FAM107B: variants seen among roughly 807,000 people sequenced by gnomAD.
FAM107B encodes the protein family with sequence similarity 107 member B, also known as protein FAM107B.
A neutral mutation model predicts 31.5 loss-of-function variants in FAM107B; 21 were observed. The observed-to-expected ratio is 0.67, with a 90% CI of 0.47 to 0.96. FAM107B has a LOEUF of 0.96. FAM107B is among the 40% of genes least tolerant of loss of function. The probability of loss-of-function intolerance (pLI) is 0.00; values close to 1 mark genes in which losing one functional copy is unlikely to be tolerated. For missense variants in FAM107B, 452 were observed against 377.1 expected, an observed-to-expected ratio of 1.20 and a Z score of -1.64; for synonymous variants, 157 against 141.5, an observed-to-expected ratio of 1.11 and a Z score of -0.78.
At chr10:14,716,705 C>A (rs1465710972) in intron 1 of FAM107B, among the ~76,000 whole-genome samples, 1 of 152,184 alleles carries the variant, frequency 6.6e-6, no homozygotes, top group Non-Finnish European at 1.5e-5. Flanking sequence ...TTGGCTCCTC[C>A]TCAAGCACAT....
chr10:14,622,979 T>C (rs909717001), intron 2 of FAM107B, among the ~76,000 whole-genome samples: 2 of 152,178 alleles, frequency 1.3e-5, no homozygotes, highest in African/African-American at 4.8e-5. Context: ...GTGGAGAGAA[T>C]TGCAAAGCAA....
chr10:14,571,515 A>G (rs1353867472), intron 2 of FAM107B, among the ~76,000 whole-genome samples: 1 of 152,222 alleles, frequency 6.6e-6, no homozygotes, highest in Non-Finnish European at 1.5e-5. Context: ...TTTGACAGAC[A>G]TGGTTGGCAT....
chr10:14,534,783 T>C (rs1035380345), intron 2 of FAM107B: 5 of 152,362 alleles, frequency 3.3e-5, no homozygotes, highest in East Asian at 1.9e-4. Context: ...CGCCTTGTAT[T>C]ATAGCAATGT....
At chr10:14,642,519 G>A (rs1336176724) in intron 2 of FAM107B, among the ~76,000 whole-genome samples, 6 of 152,058 alleles carry the variant, frequency 3.9e-5, no homozygotes. Context: ...CCTTCATTTT[G>A]TCATGTCTCT....
chr10:14,734,442 C>T (rs1159115016), intron 1 of FAM107B, among the ~76,000 whole-genome samples: 2 of 151,530 alleles, frequency 1.3e-5, no homozygotes, highest in African/African-American at 4.9e-5. Flanking sequence ...GGTGGCACAA[C>T]ACAAATTCAT....
chr10:14,608,402 G>A (rs1321314745), intron 2 of FAM107B, among the ~76,000 whole-genome samples: 4 of 152,168 alleles, frequency 2.6e-5, no homozygotes, highest in African/African-American at 9.7e-5. Context: ...AAAAACACAT[G>A]CTTTGCTCAC....
At chr10:14,547,531 T>C (rs1848812726) in intron 2 of FAM107B, among the ~76,000 whole-genome samples, 1 of 152,194 alleles carries the variant, frequency 6.6e-6, no homozygotes, top group African/African-American at 2.4e-5. Flanking sequence ...ATTTCAAAGC[T>C]TTTCCAATTT....
intron 2 of FAM107B, among the ~76,000 whole-genome samples, chr10:14,584,324 G>A (rs753013357): frequency 3.9e-5 from 6 of 152,180 alleles, no homozygotes; most frequent in East Asian, 1.9e-4. Context: ...ATGGAAAAAC[G>A]CAGTGTATAA....
intron 1 of FAM107B, among the ~76,000 whole-genome samples, chr10:14,770,975 T>TAA (rs56378196): frequency 0.014 from 796 of 58,938 alleles, 27 homozygotes; most frequent in African/African-American, 0.035. Context: ...GAGGCTGAAC[T>TAA]AAAAAAAAAA....
At chr10:14,530,231 A>T (rs1846807389) in intron 3 of FAM107B, 101 bp downstream of exon 3, 1 of 1,256,670 alleles carries the variant, frequency 8.0e-7, no homozygotes, top group Non-Finnish European at 1.1e-6. Flanking sequence ...AAGTGCAAGA[A>T]ATCAAAGACT....
intron 2 of FAM107B, among the ~76,000 whole-genome samples, chr10:14,631,043 G>A (rs1853341999): frequency 6.6e-6 from 1 of 151,954 alleles, no homozygotes; most frequent in Non-Finnish European, 1.5e-5. Flanking sequence ...AAGCAAACAG[G>A]CATGAATTTG....
At chr10:14,678,575 G>A (rs1482919756) in intron 1 of FAM107B, among the ~76,000 whole-genome samples, 1 of 151,954 alleles carries the variant, frequency 6.6e-6, no homozygotes, top group Non-Finnish European at 1.5e-5. Flanking sequence ...CAGTCTTCCT[G>A]GGAAAAGAAA....
intron 2 of FAM107B, 78 bp from the exon 3 acceptor site, chr10:14,530,593 T>C: frequency 7.3e-7 from 1 of 1,378,570 alleles, no homozygotes; most frequent in South Asian, 1.3e-5. Context: ...CCCACAGAGC[T>C]GTGCTCAGTA....
rs530055048 is a variant in FAM107B, at chr10:14,635,738, TCTC to T, written c.469+31893_469+31895del. Among the ~76,000 whole-genome samples, 5 of 152,196 alleles carry T rather than the reference TCTC, an allele frequency of 3.3e-5. No individual in the cohort carries two copies. In the South Asian group the frequency reaches 1.0e-3, roughly 32 times the overall value. ...CCTCCACCTCCTGGGTTTAAGCAAT[TCTC>T]CTGCCTCAGCCTCCCAAGTAGCTTG... On this transcript the variant is annotated intron_variant, in intron 2 of 4. Coordinates refer to ENST00000181796, the MANE Select transcript of FAM107B (RefSeq NM_031453.4).
intron 2 of FAM107B, chr10:14,553,350 G>A: frequency 7.8e-7 from 1 of 1,277,258 alleles, no homozygotes; most frequent in Non-Finnish European, 1.0e-6. Context: ...AGTTCCAACA[G>A]TTTCTCTATC....
intron 1 of FAM107B, among the ~76,000 whole-genome samples, chr10:14,669,856 T>C (rs77099126): frequency 0.034 from 5,117 of 152,308 alleles, 273 homozygotes; most frequent in African/African-American, 0.12. Context: ...CATTCTAATG[T>C]TCATAGCAGA....
chr10:14,715,525 C>G (rs1379705631), intron 1 of FAM107B, among the ~76,000 whole-genome samples: 1 of 152,142 alleles, frequency 6.6e-6, no homozygotes, highest in Non-Finnish European at 1.5e-5. Context: ...CTAAGAGATG[C>G]CCAGATAGTT....
rs145074956 is a variant in FAM107B at position 14,736,322 on chromosome 10, T to A, written c.411+37931A>T. On this transcript the variant is annotated intron_variant, in intron 1 of 4. Transcript: ENST00000181796. The stretch of plus-strand genomic sequence containing the variant: ...ACACAGGTAGAATCCAAAATTCATA[T>A]TCTACTGGGTTGCTTATGAAAGTTA... Among the ~76,000 whole-genome samples, 17 of 152,326 alleles carry A rather than the reference T, an allele frequency of 1.1e-4. No individual in the cohort carries two copies. The East Asian group carries it at 3.1e-3, about 28-fold the overall frequency.
At chr10:14,569,300 C>T (rs148735596) in intron 2 of FAM107B, among the ~76,000 whole-genome samples, 2 of 152,048 alleles carry the variant, frequency 1.3e-5, no homozygotes, top group South Asian at 4.1e-4. Context: ...TATTTCTTGA[C>T]AATAAAAGTC....
Sources: gnomAD v4.1 joint callset for allele counts (sites outside exome capture counted in the v4.1 genomes callset) on GRCh38, gnomAD v4.1.1 for gene constraint, MANE v1.5 for transcripts, NCBI Gene and HGNC (gene_info 2026-07-23, HGNC 2026-07-21) for gene names.